NRG3: variants seen among roughly 807,000 people sequenced by gnomAD.
NRG3 encodes the protein neuregulin 3.
A neutral mutation model predicts 66.9 loss-of-function variants in NRG3; 31 were observed. The ratio of observed to expected loss-of-function variants is 0.46; its 90% CI spans 0.35 to 0.63. The LOEUF (loss-of-function observed/expected upper bound fraction) is 0.63, where lower values mean the gene tolerates loss of function less well. Ranked by LOEUF, NRG3 falls within the 20% of genes least tolerant of loss-of-function variation. NRG3 has a pLI of 0.00. For synonymous variants in NRG3, 393 were observed against 359.4 expected (o/e 1.09, Z -1.06); for missense variants, 910 against 878.9 (o/e 1.04, Z -0.45).
intron 4 of NRG3, among the ~76,000 whole-genome samples, chr10:82,901,767 A>G (rs61858784): frequency 0.047 from 7,087 of 152,278 alleles, 207 homozygotes; most frequent in South Asian, 0.15. Flanking sequence ...AATTGTGAAG[A>G]ACTTGGTGGT....
chr10:81,882,376 A>T (rs547885169), intron 1 of NRG3, among the ~76,000 whole-genome samples: 1 of 152,010 alleles, frequency 6.6e-6, no homozygotes, highest in East Asian at 1.9e-4. Flanking sequence ...TTTTTTAGGG[A>T]CTCTCATGGA....
intron 2 of NRG3, among the ~76,000 whole-genome samples, chr10:82,525,989 G>A (rs1027108534): frequency 6.6e-6 from 1 of 151,788 alleles, no homozygotes; most frequent in African/African-American, 2.4e-5. Flanking sequence ...GAAAGATCAG[G>A]GAAATTATCT....
chr10:82,935,593 A>G (rs1444851132), intron 4 of NRG3, among the ~76,000 whole-genome samples: 2 of 152,268 alleles, frequency 1.3e-5, no homozygotes, highest in South Asian at 4.1e-4. Flanking sequence ...ATAGCAAAAA[A>G]TGATAACAGT....
At chr10:82,344,028 T>A (rs1589784502) in intron 1 of NRG3, among the ~76,000 whole-genome samples, 1 of 152,032 alleles carries the variant, frequency 6.6e-6, no homozygotes, top group South Asian at 2.1e-4. Context: ...AAGAAACACA[T>A]AAATTCTCAT....
chr10:82,749,422 A>G (rs748411770), intron 3 of NRG3, among the ~76,000 whole-genome samples: 4 of 151,996 alleles, frequency 2.6e-5, no homozygotes, highest in Non-Finnish European at 5.9e-5. Flanking sequence ...CCTAAGTTTC[A>G]CCACTCGCCC....
intron 2 of NRG3, among the ~76,000 whole-genome samples, chr10:82,522,001 A>G (rs963897005): frequency 2.7e-5 from 4 of 148,770 alleles, no homozygotes; most frequent in Non-Finnish European, 4.4e-5. Flanking sequence ...GTTTTGTTGC[A>G]GTTTCCACCA....
At chr10:82,795,120 G>A (rs927532555) in intron 3 of NRG3, among the ~76,000 whole-genome samples, 2 of 152,072 alleles carry the variant, frequency 1.3e-5, no homozygotes, top group Non-Finnish European at 2.9e-5. Flanking sequence ...TTCCATTACT[G>A]GATATCTTCA....
intron 1 of NRG3, among the ~76,000 whole-genome samples, chr10:82,049,216 C>G (rs2063470099): frequency 6.6e-6 from 1 of 152,046 alleles, no homozygotes; most frequent in Non-Finnish European, 1.5e-5. Context: ...TCAAGTAAGG[C>G]TTTGATAATT....
At chr10:82,018,186 TA>T (rs1311785838) in intron 1 of NRG3, among the ~76,000 whole-genome samples, 1 of 152,188 alleles carries the variant, frequency 6.6e-6, no homozygotes, top group African/African-American at 2.4e-5. Flanking sequence ...ATTTATTAAA[TA>T]GGGAATCCTT....
At chr10:81,952,266 T>C (rs939458044) in intron 1 of NRG3, among the ~76,000 whole-genome samples, 1 of 152,170 alleles carries the variant, frequency 6.6e-6, no homozygotes, top group African/African-American at 2.4e-5. Flanking sequence ...ATGCCACTTA[T>C]TATGCCTTAG....
intron 1 of NRG3, among the ~76,000 whole-genome samples, chr10:82,040,411 ATG>A: frequency 4.3e-5 from 1 of 23,274 alleles, no homozygotes; most frequent in Non-Finnish European, 1.8e-4. Context: ...TACAATATAT[ATG>A]TAATATGTAA....
At chr10:82,343,925 T>G (rs1449968062) in intron 1 of NRG3, among the ~76,000 whole-genome samples, 3 of 152,144 alleles carry the variant, frequency 2.0e-5, no homozygotes, top group Non-Finnish European at 4.4e-5. Flanking sequence ...ATTAGTCCTG[T>G]AATTTCCATA....
At position 82,110,270 on chromosome 10, in the gene NRG3, C is replaced by A. The variant is rs1274579136; in HGVS notation, c.823+234107C>A. On this transcript the variant is annotated intron_variant, in intron 1 of 8. Coordinates refer to ENST00000372141, the MANE Select transcript of NRG3 (RefSeq NM_001010848.4). The stretch of plus-strand genomic sequence containing the variant: ...AAAAAATCCTTTGGATGAGACTGGG[C>A]CTGATGAAGGAAAGAAATGGGTGAT... 4.0e-5 allele frequency among the ~76,000 whole-genome samples: 6 copies of A among 151,890 alleles called. No homozygotes were observed. In the East Asian group the frequency reaches 1.2e-3, roughly 29 times the overall value.
At chr10:82,803,846 C>G (rs1275665943) in intron 3 of NRG3, among the ~76,000 whole-genome samples, 1 of 152,166 alleles carries the variant, frequency 6.6e-6, no homozygotes, top group African/African-American at 2.4e-5. Context: ...GTAGTCCCTC[C>G]TTATCCATGG....
chr10:82,663,606 C>T lies in NRG3; in HGVS notation c.954-74971C>T, dbSNP rs78140285. Reference sequence around the variant, plus strand: ...CTGACCTTTTTGAAAACACAGTGTGCCCTGAGCTCAGCGAGAACTTCAATA... The same window carrying T: ...CTGACCTTTTTGAAAACACAGTGTGTCCTGAGCTCAGCGAGAACTTCAATA... On this transcript the variant is annotated intron_variant, in intron 2 of 8. Coordinates refer to ENST00000372141, the MANE Select transcript of NRG3 (RefSeq NM_001010848.4). Among the ~76,000 whole-genome samples the T allele has an allele frequency of 3.8e-3, 574 of 152,266 alleles. 3 individuals are homozygous for T. Among genetic ancestry groups the T allele is most frequent in the African/African-American group, 0.013 (552 of 41,536 alleles).
chr10:82,648,452 T>C (rs2051136424), intron 2 of NRG3, among the ~76,000 whole-genome samples: 1 of 152,216 alleles, frequency 6.6e-6, no homozygotes. Flanking sequence ...GCCCTCCAGC[T>C]TTGTTCTTTT....
chr10:82,081,350 A>C (rs191957323), intron 1 of NRG3, among the ~76,000 whole-genome samples: 1 of 152,194 alleles, frequency 6.6e-6, no homozygotes, highest in Admixed American at 6.5e-5. Flanking sequence ...AGGACTTTAC[A>C]TAGACAGAAA....
intron 1 of NRG3, among the ~76,000 whole-genome samples, chr10:81,969,763 G>C (rs1383413225): frequency 6.9e-6 from 1 of 144,942 alleles, no homozygotes; most frequent in East Asian, 2.1e-4. Context: ...CTCATGTCTG[G>C]ACATTTTGAG....
intron 1 of NRG3, among the ~76,000 whole-genome samples, chr10:82,100,660 G>C (rs1383625252): frequency 1.3e-5 from 2 of 151,968 alleles, no homozygotes; most frequent in Non-Finnish European, 2.9e-5. Flanking sequence ...TCTTACTATG[G>C]TGATTGATTG....
Sources: gnomAD v4.1 joint callset for allele counts (sites outside exome capture counted in the v4.1 genomes callset) on GRCh38, gnomAD v4.1.1 for gene constraint, MANE v1.5 for transcripts, NCBI Gene and HGNC (gene_info 2026-07-23, HGNC 2026-07-21) for gene names.